Variants in TMEM135 observed in about 807,000 individuals in gnomAD.
TMEM135 encodes peroxisomal membrane protein 52.
In TMEM135, 30 loss-of-function variants were observed where a neutral mutation model predicts 60.3. The ratio of observed to expected loss-of-function variants is 0.50; its 90% CI spans 0.37 to 0.68. The LOEUF (loss-of-function observed/expected upper bound fraction) is 0.68. Ranked by LOEUF, TMEM135 falls within the 30% of genes least tolerant of loss-of-function variation. TMEM135 has a pLI of 0.00. For synonymous variants in TMEM135, 190 were observed against 186.7 expected, an observed-to-expected ratio of 1.02 and a Z score of -0.14; for missense variants, 468 against 548.8, an observed-to-expected ratio of 0.85 and a Z score of 1.47.
chr11:87,205,652 T>G (rs535136398), intron 5 of TMEM135, among the ~76,000 whole-genome samples: 1 of 152,300 alleles, frequency 6.6e-6, no homozygotes, highest in South Asian at 2.1e-4. Context: ...TAAAAATTAT[T>G]AATTAGTCAT....
chr11:87,130,578 G>A (rs7115725), intron 4 of TMEM135, among the ~76,000 whole-genome samples: 19,537 of 152,128 alleles, frequency 0.13, 1,338 homozygotes, highest in Middle Eastern at 0.15. Context: ...TAGACTGTGT[G>A]TCTGGGTATC....
At chr11:87,202,480 C>T (rs995787679) in intron 5 of TMEM135, among the ~76,000 whole-genome samples, 2 of 152,058 alleles carry the variant, frequency 1.3e-5, no homozygotes, top group African/African-American at 4.8e-5. Context: ...CATGCCCTAC[C>T]GTGTCCGGTT....
intron 6 of TMEM135, among the ~76,000 whole-genome samples, chr11:87,253,458 A>G (rs1024733406): frequency 1.3e-5 from 2 of 151,976 alleles, no homozygotes; most frequent in African/African-American, 4.8e-5. Context: ...CTGATGTCAA[A>G]GTTCAAAAGT....
intron 3 of TMEM135, among the ~76,000 whole-genome samples, chr11:87,073,067 C>T (rs534494677): frequency 6.6e-6 from 1 of 152,142 alleles, no homozygotes; most frequent in African/African-American, 2.4e-5. Flanking sequence ...GGTGGAGTCT[C>T]ACTCCGTCTC....
intron 4 of TMEM135, among the ~76,000 whole-genome samples, chr11:87,137,627 TCTTG>T (rs1223579039): frequency 1.3e-5 from 2 of 152,144 alleles, no homozygotes; most frequent in African/African-American, 4.8e-5. Context: ...AGGGACACTA[TCTTG>T]TTTTGAAACA....
At chr11:87,073,511 T>C (rs1590997627) in intron 3 of TMEM135, among the ~76,000 whole-genome samples, 1 of 152,278 alleles carries the variant, frequency 6.6e-6, no homozygotes, top group Non-Finnish European at 1.5e-5. Context: ...TCCAGGAACA[T>C]AGGTTACTCC....
At chr11:87,266,902 T>G (rs1941759771) in intron 6 of TMEM135, among the ~76,000 whole-genome samples, 1 of 152,224 alleles carries the variant, frequency 6.6e-6, no homozygotes, top group Non-Finnish European at 1.5e-5. Flanking sequence ...TGTGGTTTTC[T>G]CTAGCAGTAC....
At chr11:87,270,445 G>A (rs1941842081) in intron 6 of TMEM135, among the ~76,000 whole-genome samples, 2 of 152,128 alleles carry the variant, frequency 1.3e-5, no homozygotes, top group Admixed American at 1.3e-4. Context: ...TTTTAAAGAA[G>A]GGGAATGTGT....
chr11:87,264,932 G>C (rs1448543606), intron 6 of TMEM135, among the ~76,000 whole-genome samples: 1 of 151,878 alleles, frequency 6.6e-6, no homozygotes, highest in Non-Finnish European at 1.5e-5. Flanking sequence ...AGATGGGTCT[G>C]AAATTAGTTG....
intron 4 of TMEM135, among the ~76,000 whole-genome samples, chr11:87,101,938 A>G (rs1392320183): frequency 6.6e-6 from 1 of 152,132 alleles, no homozygotes; most frequent in Non-Finnish European, 1.5e-5. Flanking sequence ...ACGCCATTGC[A>G]CTTCAGCCTG....
intron 5 of TMEM135, among the ~76,000 whole-genome samples, chr11:87,169,105 A>G (rs1939152947): frequency 6.6e-6 from 1 of 151,730 alleles, no homozygotes; most frequent in Non-Finnish European, 1.5e-5. Flanking sequence ...CTGTTTTATC[A>G]GAGACTAGGA....
intron 5 of TMEM135, among the ~76,000 whole-genome samples, chr11:87,178,242 C>T (rs1948206): frequency 0.17 from 25,089 of 151,938 alleles, 2,412 homozygotes; most frequent in African/African-American, 0.27. Flanking sequence ...CATGAGCAAC[C>T]TCATCAGCAT....
At chr11:87,056,983 G>A (rs966685567) in intron 1 of TMEM135, among the ~76,000 whole-genome samples, 3 of 152,318 alleles carry the variant, frequency 2.0e-5, no homozygotes, top group African/African-American at 7.2e-5. Flanking sequence ...GGGTATGAAA[G>A]AGTGTTTTGG....
chr11:87,081,020 C>T (rs532577549), intron 3 of TMEM135, among the ~76,000 whole-genome samples: 72 of 152,090 alleles, frequency 4.7e-4, no homozygotes, highest in African/African-American at 1.7e-3. Flanking sequence ...CTACTCCAAC[C>T]TTTTCATATT....
intron 3 of TMEM135, among the ~76,000 whole-genome samples, chr11:87,083,364 A>G (rs563231677): frequency 2.2e-4 from 33 of 152,356 alleles, no homozygotes; most frequent in African/African-American, 7.0e-4. Flanking sequence ...TGGTTTAGAA[A>G]GAAGTTGTTC....
intron 8 of TMEM135, among the ~76,000 whole-genome samples, chr11:87,304,331 G>T (rs1037692989): frequency 1.3e-5 from 2 of 152,120 alleles, no homozygotes; most frequent in Non-Finnish European, 2.9e-5. Context: ...TGATCATTAT[G>T]ATCATGCCAA....
rs1193933159 is a variant in TMEM135, at chr11:87,321,747, CG to C, written c.*417del. 4 of 455,484 alleles carry C rather than the reference CG, an allele frequency of 8.8e-6. No homozygotes were observed. Among genetic ancestry groups the C allele is most frequent in the Non-Finnish European group, 1.3e-5 (3 of 227,648 alleles). The allele number at this position is 455,484 out of a possible 1,614,324, so 28.2% of individuals were successfully genotyped here. A position where few individuals can be genotyped will look rare whatever the true frequency, so the allele number is the denominator to read the frequency against. Reference sequence around the variant, plus strand: ...ACATTTTAGGATTTACAAAGGATCACGGGTACATGGATTTGGTCTATATATT... The same window carrying C: ...ACATTTTAGGATTTACAAAGGATCACGGTACATGGATTTGGTCTATATATT... On this transcript the variant is annotated 3_prime_UTR_variant, in exon 15 of 15. Transcript: ENST00000305494.
At chr11:87,293,188 T>C (rs1386618556) in intron 6 of TMEM135, among the ~76,000 whole-genome samples, 1 of 152,198 alleles carries the variant, frequency 6.6e-6, no homozygotes, top group African/African-American at 2.4e-5. Context: ...AAGATAAGTT[T>C]AAACATTTTG....
At chr11:87,157,468 T>C in intron 5 of TMEM135, 62 bp downstream of exon 5, 1 of 1,360,926 alleles carries the variant, frequency 7.3e-7, no homozygotes, top group Non-Finnish European at 1.1e-6. Flanking sequence ...TTTTAAAATA[T>C]AAAATGTGAT....
Sources: gnomAD v4.1 joint callset for allele counts (sites outside exome capture counted in the v4.1 genomes callset) on GRCh38, gnomAD v4.1.1 for gene constraint, MANE v1.5 for transcripts, NCBI Gene and HGNC (gene_info 2026-07-23, HGNC 2026-07-21) for gene names.